SHTN1: variants seen among roughly 807,000 people sequenced by gnomAD.
The protein encoded by SHTN1 is shootin 1.
In SHTN1, 42 loss-of-function variants were observed where a neutral mutation model predicts 83.1. The ratio of observed to expected loss-of-function variants is 0.51; its 90% CI spans 0.39 to 0.65. The LOEUF is 0.65. Ranked by LOEUF, SHTN1 falls within the 30% of genes least tolerant of loss-of-function variation. SHTN1 has a pLI of 0.00. For missense variants in SHTN1, 622 were observed against 737.8 expected (o/e 0.84, Z 1.82); for synonymous variants, 224 against 247.7 (o/e 0.90, Z 0.90).
rs536534743 is a variant in SHTN1 at position 117,088,393 on chromosome 10, C to T, written c.-189+37914G>A. 5.9e-5 allele frequency among the ~76,000 whole-genome samples: 9 copies of T among 152,288 alleles called. No homozygotes were observed. In the South Asian group the frequency reaches 1.0e-3, roughly 18 times the overall value. ...CCTAAATATTGGTAGAGTTGATTCA[C>T]GTAAAAGCTACTTTTTGAATTATAC... On this transcript the variant is annotated intron_variant, in intron 1 of 17. Transcript: ENST00000392901.
intron 1 of SHTN1, among the ~76,000 whole-genome samples, chr10:117,056,539 G>C (rs1852828429): frequency 2.6e-5 from 4 of 152,156 alleles, no homozygotes; most frequent in African/African-American, 9.7e-5. Flanking sequence ...GCTGGGCGTG[G>C]TGGCTCACAC....
chr10:116,968,176 A>T (rs1194067071), intron 3 of SHTN1, among the ~76,000 whole-genome samples: 1 of 152,158 alleles, frequency 6.6e-6, no homozygotes, highest in African/African-American at 2.4e-5. Context: ...GCGAGACTCC[A>T]TCTCAAAAAA....
intron 1 of SHTN1, among the ~76,000 whole-genome samples, chr10:117,120,841 G>C (rs1176059240): frequency 6.9e-6 from 1 of 144,638 alleles, no homozygotes; most frequent in African/African-American, 2.6e-5. Flanking sequence ...ACAGAGTCTT[G>C]CTCTGTTGCC....
chr10:116,955,070 T>A (rs1849928279), intron 4 of SHTN1, among the ~76,000 whole-genome samples: 1 of 140,890 alleles, frequency 7.1e-6, no homozygotes, highest in Non-Finnish European at 1.5e-5. Flanking sequence ...TTGTTTCTAC[T>A]ATCTCTATTA....
intron 1 of SHTN1, among the ~76,000 whole-genome samples, chr10:116,984,935 T>C (rs145011065): frequency 6.6e-6 from 1 of 151,656 alleles, no homozygotes; most frequent in East Asian, 2.0e-4. Flanking sequence ...TTGCAAATGT[T>C]TTTCCCTCTG....
chr10:117,083,438 A>ACCCG (rs1483251185), intron 1 of SHTN1, among the ~76,000 whole-genome samples: 1 of 150,884 alleles, frequency 6.6e-6, no homozygotes, highest in Non-Finnish European at 1.5e-5. Flanking sequence ...TTTGAGGGTA[A>ACCCG]CCCGACCTTT....
intron 11 of SHTN1, among the ~76,000 whole-genome samples, chr10:116,924,588 G>A (rs770744157): frequency 1.3e-5 from 2 of 151,986 alleles, no homozygotes; most frequent in Admixed American, 1.3e-4. Flanking sequence ...AGGGAAGGCA[G>A]GACTCACAGG....
intron 1 of SHTN1, among the ~76,000 whole-genome samples, chr10:117,120,529 TA>T (rs1307332806): frequency 6.6e-6 from 1 of 152,166 alleles, no homozygotes; most frequent in African/African-American, 2.4e-5. Flanking sequence ...ATTACAGGCG[TA>T]AGCCACAGCG....
chr10:116,886,021 A>G lies in SHTN1; in HGVS notation c.*323T>C, dbSNP rs544209575. On this transcript the variant is annotated 3_prime_UTR_variant, in exon 17 of 17. Coordinates refer to ENST00000355371, the MANE Select transcript of SHTN1 (RefSeq NM_001127211.3). ...CAAACTTTCAGCATTCCATTTGATG[A>G]GTGGTATGCACATTTCCTAAAAAGG... is the stretch of plus-strand genomic sequence containing the variant. 7.5e-5 allele frequency: 20 copies of G among 266,150 alleles called. No homozygotes were observed. The highest frequency in any genetic ancestry group is 3.9e-4 in the East Asian group (5 of 12,830). 16.5% of individuals were successfully genotyped at this position (266,150 alleles called of 1,614,324 possible). A position where few individuals can be genotyped will look rare whatever the true frequency, so the allele number is the denominator to read the frequency against.
In SHTN1 at chr10:116,897,764, C is replaced by T. The variant is rs562732658; in HGVS notation, c.1673+4001G>A. Among the ~76,000 whole-genome samples the T allele has an allele frequency of 2.8e-3, 427 of 152,274 alleles. 1 individual carries two copies. The highest frequency in any genetic ancestry group is 3.5e-3 in the Admixed American group (53 of 15,298). On this transcript the variant is annotated intron_variant, in intron 16 of 16. Transcript: ENST00000355371. ...TTTCCCAGGGTCACAAATATCTAAACGGCAGACCCAGGATCTGAACCCTAC... is the reference window on the plus strand; with the variant it reads ...TTTCCCAGGGTCACAAATATCTAAATGGCAGACCCAGGATCTGAACCCTAC...
intron 1 of SHTN1, among the ~76,000 whole-genome samples, chr10:117,053,641 T>C (rs986765900): frequency 3.3e-4 from 50 of 152,196 alleles, no homozygotes; most frequent in Non-Finnish European, 7.1e-4. Flanking sequence ...ATTGGAACCC[T>C]CACGCATTGC....
intron 2 of SHTN1, among the ~76,000 whole-genome samples, chr10:117,042,354 C>T (rs1852595081): frequency 6.6e-6 from 1 of 152,114 alleles, no homozygotes; most frequent in Non-Finnish European, 1.5e-5. Flanking sequence ...ATATATATTC[C>T]ATGGTGCTCA....
intron 9 of SHTN1, among the ~76,000 whole-genome samples, chr10:116,935,148 C>A (rs1457928723): frequency 6.6e-6 from 1 of 152,120 alleles, no homozygotes; most frequent in Non-Finnish European, 1.5e-5. Flanking sequence ...TGTGTGAATA[C>A]CCTTTATTTC....
intron 16 of SHTN1, chr10:116,900,875 T>G: frequency 1.0e-6 from 1 of 985,174 alleles, no homozygotes. Context: ...AAGTTAATAG[T>G]AGCAATGAGA....
chr10:116,884,277 G>A lies in SHTN1; in HGVS notation c.*2067C>T, dbSNP rs1431594608. 4.4e-6 allele frequency: 2 copies of A among 458,830 alleles called. No individual in the cohort carries two copies. The highest frequency in any genetic ancestry group is 3.1e-5 in the South Asian group (2 of 64,642). 28.4% of individuals were successfully genotyped at this position (458,830 alleles called of 1,614,324 possible). A position where few individuals can be genotyped will look rare whatever the true frequency, so the allele number is the denominator to read the frequency against. Reference sequence around the variant, plus strand: ...GGTTGACAGTGTCACCCCAGCCAGGGGCAAAACCCCCTCAAAACCAAAGTG... The same window carrying A: ...GGTTGACAGTGTCACCCCAGCCAGGAGCAAAACCCCCTCAAAACCAAAGTG... On this transcript the variant is annotated 3_prime_UTR_variant, in exon 17 of 17. Coordinates refer to ENST00000355371, the MANE Select transcript of SHTN1 (RefSeq NM_001127211.3).
chr10:117,017,059 G>A (rs1852189961), intron 2 of SHTN1, among the ~76,000 whole-genome samples: 1 of 152,046 alleles, frequency 6.6e-6, no homozygotes, highest in South Asian at 2.1e-4. Flanking sequence ...GCTGTGGCAG[G>A]AGGTCTACAA....
chr10:116,976,594 A>T (rs543968898), intron 2 of SHTN1, among the ~76,000 whole-genome samples: 1 of 152,332 alleles, frequency 6.6e-6, no homozygotes, highest in African/African-American at 2.4e-5. Context: ...CAACTGGACA[A>T]AGCTCACCCA....
At position 117,062,861 on chromosome 10, in the gene SHTN1, T is replaced by C. The variant is rs556592454; in HGVS notation, c.-188-14351A>G. ...AAATTTAGAATTATTTCTTCATTCA[T>C]GGCAAGGCATAGGTAATTACTTAGA... On this transcript the variant is annotated intron_variant, in intron 1 of 17. Coordinates refer to the SHTN1 transcript ENST00000392901. Among the ~76,000 whole-genome samples the C allele has an allele frequency of 2.0e-5, 3 of 152,232 alleles. No homozygotes were observed. In the South Asian group the frequency reaches 6.2e-4, roughly 32 times the overall value.
At chr10:117,026,575 AC>A (rs1284920643) in intron 2 of SHTN1, among the ~76,000 whole-genome samples, 1 of 152,134 alleles carries the variant, frequency 6.6e-6, no homozygotes, top group Non-Finnish European at 1.5e-5. Flanking sequence ...GGTGTGCACC[AC>A]TATGCCCAGC....
Sources: allele counts gnomAD v4.1 joint callset (sites outside exome capture counted in the v4.1 genomes callset), GRCh38; gene constraint gnomAD v4.1.1; transcripts MANE v1.5; gene names NCBI Gene and HGNC (gene_info 2026-07-23, HGNC 2026-07-21).